Variants in PIK3CB observed in about 807,000 individuals in gnomAD.
PIK3CB encodes the protein phosphatidylinositol 4,5-bisphosphate 3-kinase catalytic subunit beta isoform.
In PIK3CB, 39 loss-of-function variants were observed where a neutral mutation model predicts 136.8. The observed-to-expected ratio is 0.29, with a 90% CI of 0.22 to 0.37. PIK3CB has a LOEUF of 0.37. PIK3CB is among the 10% of genes least tolerant of loss of function. The pLI, the probability that PIK3CB is intolerant of heterozygous loss-of-function variation, is 1.00. For synonymous variants in PIK3CB, 428 were observed against 436.6 expected (o/e 0.98, Z 0.25); for missense variants, 868 against 1,275.4 (o/e 0.68, Z 4.87).
At position 138,755,735 on chromosome 3, in the gene PIK3CB, T is replaced by C. The variant is rs2045554949; in HGVS notation, c.397+19A>G. The C allele has an allele frequency of 8.3e-7, 1 of 1,206,402 alleles. No individual in the cohort carries two copies. The highest frequency in any genetic ancestry group is 1.2e-6 in the Non-Finnish European group (1 of 827,514). The allele number at this position is 1,206,402 out of a possible 1,614,324, so 74.7% of individuals were successfully genotyped here. A position where few individuals can be genotyped will look rare whatever the true frequency, so the allele number is the denominator to read the frequency against. On this transcript the variant is annotated intron_variant, in intron 4 of 23. Transcript: ENST00000674063. ...AGATATATTAAGAATTTGTACTTTT[T>C]TTTTATTTTTTAATTTACCTTTTCC...
At chr3:138,726,922 A>C (rs1289817605) in intron 8 of PIK3CB, among the ~76,000 whole-genome samples, 1 of 151,672 alleles carries the variant, frequency 6.6e-6, no homozygotes, top group Admixed American at 6.6e-5. Flanking sequence ...GTGGTGGTGC[A>C]TGCCTGTAGT....
At chr3:138,825,078 G>GC (rs1288966595) in intron 1 of PIK3CB, 1 of 247,732 alleles carries the variant, frequency 4.0e-6, no homozygotes, top group African/African-American at 2.3e-5. Context: ...ATTTGAGAAG[G>GC]CAGCTACAGA....
intron 2 of PIK3CB, among the ~76,000 whole-genome samples, chr3:138,785,107 G>A (rs2045963577): frequency 6.6e-6 from 1 of 151,742 alleles, no homozygotes; most frequent in Non-Finnish European, 1.5e-5. Flanking sequence ...GTGGGGGGCA[G>A]CCCCCGCTCG....
At chr3:138,762,978 A>G (rs990870731) in intron 2 of PIK3CB, among the ~76,000 whole-genome samples, 1 of 152,016 alleles carries the variant, frequency 6.6e-6, no homozygotes, top group African/African-American at 2.4e-5. Context: ...CAAAACAACA[A>G]TAAAAAAATA....
chr3:138,788,964 CAAA>C (rs57432821), intron 2 of PIK3CB, among the ~76,000 whole-genome samples: 16 of 89,462 alleles, frequency 1.8e-4, no homozygotes, highest in African/African-American at 5.5e-4. Context: ...GACTTCGTCT[CAAA>C]AAAAAAAAAA....
chr3:138,680,888 A>G (rs1394803808), intron 19 of PIK3CB, among the ~76,000 whole-genome samples: 2 of 152,048 alleles, frequency 1.3e-5, no homozygotes, highest in South Asian at 2.1e-4. Flanking sequence ...GGGTTTCACC[A>G]TGTTGGCCAG....
At chr3:138,726,666 A>G (rs939886365) in intron 8 of PIK3CB, among the ~76,000 whole-genome samples, 1 of 152,158 alleles carries the variant, frequency 6.6e-6, no homozygotes, top group Non-Finnish European at 1.5e-5. Flanking sequence ...GCTATAAATA[A>G]TGTCATCTTC....
intron 1 of PIK3CB, among the ~76,000 whole-genome samples, chr3:138,826,804 T>TA (rs1344475606): frequency 6.6e-6 from 1 of 152,132 alleles, no homozygotes; most frequent in African/African-American, 2.4e-5. Context: ...CGCAGTGGCT[T>TA]ATGCCTGTAA....
intron 1 of PIK3CB, among the ~76,000 whole-genome samples, chr3:138,806,901 A>C (rs9874723): frequency 0.5 from 76,094 of 152,166 alleles, 21,917 homozygotes; most frequent in East Asian, 0.98. Flanking sequence ...TCTCCATAAT[A>C]AACTTGTATT....
chr3:138,719,490 C>T (rs1391224430), intron 8 of PIK3CB, among the ~76,000 whole-genome samples: 1 of 152,014 alleles, frequency 6.6e-6, no homozygotes, highest in Non-Finnish European at 1.5e-5. Context: ...AAGTGATCTG[C>T]CCACCTTGGC....
chr3:138,691,169 G>A (rs2108506563), intron 14 of PIK3CB, 26 bp from the exon 15 acceptor site: 1 of 1,603,834 alleles, frequency 6.2e-7, no homozygotes, highest in Middle Eastern at 1.8e-4. Flanking sequence ...GACACAGTGA[G>A]TAACCAAACA....
chr3:138,737,644 A>AATATATATATAT, intron 6 of PIK3CB, 63 bp downstream of exon 6: 1 of 462,526 alleles, frequency 2.2e-6, no homozygotes, highest in Non-Finnish European at 3.2e-6. Context: ...TCAGAAATAA[A>AATATATATATAT]ATATATATAT....
intron 2 of PIK3CB, among the ~76,000 whole-genome samples, chr3:138,766,474 T>C (rs921624157): frequency 3.3e-5 from 5 of 152,244 alleles, no homozygotes; most frequent in Admixed American, 1.3e-4. Context: ...CTAAGTATCT[T>C]TCTTGTGCCA....
chr3:138,761,265 T>C (rs1417411132), intron 2 of PIK3CB, among the ~76,000 whole-genome samples: 1 of 152,148 alleles, frequency 6.6e-6, no homozygotes, highest in Non-Finnish European at 1.5e-5. Context: ...TATGTGCTAG[T>C]TTACAGGAAA....
intron 5 of PIK3CB, among the ~76,000 whole-genome samples, chr3:138,739,907 A>G (rs923143783): frequency 2.3e-4 from 30 of 130,880 alleles, no homozygotes; most frequent in South Asian, 7.2e-4. Context: ...CTCAAAAAAT[A>G]AAAAAAAAAA....
chr3:138,829,355 A>C (rs1446586283), intron 1 of PIK3CB, among the ~76,000 whole-genome samples: 1 of 152,208 alleles, frequency 6.6e-6, no homozygotes, highest in African/African-American at 2.4e-5. Context: ...CAGGAGAATA[A>C]GTAAAAATCA....
intron 8 of PIK3CB, among the ~76,000 whole-genome samples, chr3:138,715,537 A>G (rs942124071): frequency 6.6e-6 from 1 of 152,190 alleles, no homozygotes; most frequent in Non-Finnish European, 1.5e-5. Flanking sequence ...CATATGTGGA[A>G]TTGTTTAGGC....
intron 13 of PIK3CB, among the ~76,000 whole-genome samples, chr3:138,697,421 G>GATTGATTTATTTATTT (rs2044160591): frequency 6.6e-6 from 1 of 150,780 alleles, no homozygotes; most frequent in African/African-American, 2.5e-5. Context: ...TGTCTCCAAA[G>GATTGATTTATTTATTT]ATTTATTTAT....
intron 19 of PIK3CB, among the ~76,000 whole-genome samples, chr3:138,665,775 A>T (rs1036761343): frequency 6.6e-5 from 10 of 152,078 alleles, no homozygotes; most frequent in African/African-American, 2.4e-4. Context: ...TGGCCATGTT[A>T]CCCAGGCTGC....
Sources: allele counts gnomAD v4.1 joint callset (sites outside exome capture counted in the v4.1 genomes callset), GRCh38; gene constraint gnomAD v4.1.1; transcripts MANE v1.5; gene names NCBI Gene and HGNC (gene_info 2026-07-23, HGNC 2026-07-21).